Variants in SCAPER observed in about 807,000 individuals in gnomAD.
SCAPER encodes S phase cyclin A-associated protein in the endoplasmic reticulum.
In SCAPER, 98 loss-of-function variants were observed where a neutral mutation model predicts 182.2. That is an observed-to-expected ratio of 0.54 (90% CI 0.46 to 0.64). The LOEUF is 0.64. Ranked by LOEUF, SCAPER falls within the 30% of genes least tolerant of loss-of-function variation. The pLI, the probability that SCAPER is intolerant of heterozygous loss-of-function variation, is 0.00. For synonymous variants in SCAPER, 605 were observed against 564.6 expected (o/e 1.07, Z -1.01); for missense variants, 1,432 against 1,690.0 (o/e 0.85, Z 2.68).
chr15:76,507,753 C>A (rs1359826112), intron 23 of SCAPER, among the ~76,000 whole-genome samples: 2 of 152,048 alleles, frequency 1.3e-5, no homozygotes, highest in Non-Finnish European at 2.9e-5. Flanking sequence ...GACTCATACA[C>A]TTAAGATTAA....
At chr15:76,813,644 C>G (rs2066846527) in intron 5 of SCAPER, among the ~76,000 whole-genome samples, 1 of 152,114 alleles carries the variant, frequency 6.6e-6, no homozygotes, top group Non-Finnish European at 1.5e-5. Flanking sequence ...TTCAAAAAAT[C>G]TGTTGAACTT....
At chr15:76,478,806 G>T (rs2050863154) in intron 24 of SCAPER, among the ~76,000 whole-genome samples, 1 of 152,020 alleles carries the variant, frequency 6.6e-6, no homozygotes, top group Non-Finnish European at 1.5e-5. Flanking sequence ...ATATAAAATT[G>T]CAGATCTCTA....
chr15:76,661,124 A>C (rs1243560366), intron 21 of SCAPER, among the ~76,000 whole-genome samples: 1 of 152,144 alleles, frequency 6.6e-6, no homozygotes, highest in Non-Finnish European at 1.5e-5. Context: ...GCTGAGCTAT[A>C]GCTTCAATGC....
rs181586020 is a variant in SCAPER, at chr15:76,423,238, C to A, written c.3311+10840G>T. The stretch of plus-strand genomic sequence containing the variant: ...CCTCTGGTAGAATTCGGCTGTGAAT[C>A]CATCTGGTCCTGGACTTTTTTTGGT... On this transcript the variant is annotated intron_variant, in intron 26 of 31. Transcript: ENST00000563290. Among the ~76,000 whole-genome samples the A allele has an allele frequency of 1.3e-3, 200 of 152,316 alleles. 6 individuals carry two copies. In the East Asian group the frequency reaches 0.028, roughly 21 times the overall value.
intron 23 of SCAPER, among the ~76,000 whole-genome samples, chr15:76,515,430 C>T (rs1400674245): frequency 6.6e-6 from 1 of 151,870 alleles, no homozygotes; most frequent in Non-Finnish European, 1.5e-5. Context: ...TTTTCTTTGC[C>T]CCTATATCTC....
rs141479320 is a variant in SCAPER at position 76,743,312 on chromosome 15, C to T, written c.1867-9928G>A. ...AACTGAAAATGGTGACAACTGAGAG[C>T]ACCAACAGGTGGGCAAGTGGTAGCA... On this transcript the variant is annotated intron_variant, in intron 15 of 31. Transcript: ENST00000563290. 1.2e-4 allele frequency among the ~76,000 whole-genome samples: 19 copies of T among 152,214 alleles called. No homozygotes were observed. In the East Asian group the frequency reaches 3.5e-3, roughly 28 times the overall value.
At chr15:76,570,819 C>T (rs1381345325) in intron 23 of SCAPER, among the ~76,000 whole-genome samples, 2 of 152,008 alleles carry the variant, frequency 1.3e-5, no homozygotes, top group Admixed American at 6.6e-5. Flanking sequence ...TTCCTAAAGA[C>T]ACTGCAAATC....
intron 24 of SCAPER, among the ~76,000 whole-genome samples, chr15:76,495,987 GAGAGAGACACACACACACAC>G (rs778151675): frequency 0.088 from 1,480 of 16,856 alleles, 34 homozygotes; most frequent in African/African-American, 0.18. Context: ...GAAAGCAAAA[GAGAGAGACACACACACACAC>G]ACACACACAC....
chr15:76,741,896 G>A (rs2061559160), intron 15 of SCAPER, among the ~76,000 whole-genome samples: 1 of 152,086 alleles, frequency 6.6e-6, no homozygotes. Context: ...TCAGTTGAAG[G>A]TAGGGCTAAA....
At chr15:76,870,256 G>C (rs1454046437) in intron 2 of SCAPER, among the ~76,000 whole-genome samples, 2 of 152,058 alleles carry the variant, frequency 1.3e-5, no homozygotes, top group African/African-American at 4.8e-5. Flanking sequence ...TAATTTGAAT[G>C]TTTCTAGTAC....
intron 2 of SCAPER, among the ~76,000 whole-genome samples, chr15:76,875,703 T>C (rs986019982): frequency 1.1e-4 from 17 of 152,302 alleles, no homozygotes; most frequent in Non-Finnish European, 2.4e-4. Context: ...CGGAGTTTGT[T>C]CCTTCTGATG....
intron 24 of SCAPER, among the ~76,000 whole-genome samples, chr15:76,492,993 C>T (rs2052475953): frequency 6.6e-6 from 1 of 151,306 alleles, no homozygotes; most frequent in African/African-American, 2.4e-5. Flanking sequence ...ACGCTATCTA[C>T]AATGCCTTCC....
Position 76,353,988 on chromosome 15 carries a change from C to T in SCAPER, c.4008G>A (p.Glu1336=). The T allele has an allele frequency of 3.1e-6, 5 of 1,597,974 alleles. No homozygotes were observed. The highest frequency in any genetic ancestry group is 4.3e-6 in the Non-Finnish European group (5 of 1,175,026). The change falls in exon 30 of 32, where the codon GAG becomes GAA. Residue 1336 remains glutamate, a synonymous_variant. Transcript: ENST00000563290. Reference sequence around the variant, plus strand: ...CCAGTAAAACACAGCTCATCTCTTGCTCCAGAATGATCTTGTTCTGATGGT... The same window carrying T: ...CCAGTAAAACACAGCTCATCTCTTGTTCCAGAATGATCTTGTTCTGATGGT... ...YNNHQNKIIL[E]QEMSCVLLAT... is the part of the protein sequence containing the mutation.
intron 22 of SCAPER, among the ~76,000 whole-genome samples, chr15:76,611,608 T>C (rs542373710): frequency 9.2e-5 from 14 of 152,092 alleles, no homozygotes; most frequent in Non-Finnish European, 1.9e-4. Context: ...TGCCAAAACC[T>C]GGCAGATACA....
intron 20 of SCAPER, among the ~76,000 whole-genome samples, chr15:76,692,696 GAA>G (rs71143354): frequency 2.0e-5 from 2 of 98,788 alleles, no homozygotes. Context: ...TTCAAAAAAA[GAA>G]AAAAAAAAAA....
intron 25 of SCAPER, among the ~76,000 whole-genome samples, chr15:76,465,901 C>T (rs2049575310): frequency 6.6e-6 from 1 of 152,080 alleles, no homozygotes; most frequent in Admixed American, 6.6e-5. Flanking sequence ...TCCCTCCACT[C>T]CCTTCTGGCC....
intron 25 of SCAPER, among the ~76,000 whole-genome samples, chr15:76,448,741 CA>C (rs2048175231): frequency 6.6e-6 from 1 of 152,090 alleles, no homozygotes; most frequent in South Asian, 2.1e-4. Flanking sequence ...GGGAGACTTT[CA>C]ACTTAGAATC....
At chr15:76,830,686 GGA>G (rs1157397725) in intron 5 of SCAPER, among the ~76,000 whole-genome samples, 2 of 152,154 alleles carry the variant, frequency 1.3e-5, no homozygotes, top group East Asian at 3.9e-4. Flanking sequence ...GAGGTGGGAA[GGA>G]GATATCATGA....
At chr15:76,860,076 A>G (rs2071752990) in intron 3 of SCAPER, among the ~76,000 whole-genome samples, 1 of 151,466 alleles carries the variant, frequency 6.6e-6, no homozygotes, top group Non-Finnish European at 1.5e-5. Flanking sequence ...GTACTGGCCA[A>G]TTATTTATGT....
Sources: gnomAD v4.1 joint callset for allele counts (sites outside exome capture counted in the v4.1 genomes callset) on GRCh38, gnomAD v4.1.1 for gene constraint, MANE v1.5 for transcripts, NCBI Gene and HGNC (gene_info 2026-07-23, HGNC 2026-07-21) for gene names.